Variants in GEMIN5 observed in about 807,000 individuals in gnomAD.
GEMIN5 encodes gem nuclear organelle associated protein 5, also known as gem-associated protein 5.
GEMIN5 carries 124 observed loss-of-function variants against 176.9 expected under a neutral mutation model. The ratio of observed to expected loss-of-function variants is 0.70; its 90% CI spans 0.61 to 0.81. The LOEUF (loss-of-function observed/expected upper bound fraction) is 0.81. GEMIN5 is among the 40% of genes least tolerant of loss of function. GEMIN5 has a pLI of 0.00. For synonymous variants in GEMIN5, 673 were observed against 665.2 expected (o/e 1.01, Z -0.18); for missense variants, 1,843 against 1,814.6 (o/e 1.02, Z -0.28).
At chr5:154,924,715 C>T (rs1395333257) in intron 8 of GEMIN5, among the ~76,000 whole-genome samples, 161 bp from the exon 9 acceptor site, 8 of 152,172 alleles carry the variant, frequency 5.3e-5, no homozygotes, top group South Asian at 2.1e-4. Context: ...GTCGGCCGGG[C>T]GCAGTGGCTC....
Position 154,932,120 on chromosome 5 carries a change from T to C in GEMIN5, c.640A>G (p.Ile214Val), listed in dbSNP as rs1243057600. The change falls in exon 4 of 28, where the codon ATA becomes GTA. Residue 214 changes from isoleucine (I) to valine (V), a missense_variant. By Grantham distance (29) the Ile-to-Val change is conservative. Transcript: ENST00000285873. The part of the protein sequence containing the change: ...CPLPGEDCLS[I>V]NQEETSEEAE... The stretch of plus-strand genomic sequence containing the variant: ...CTACCTGAAGTTTCCTCTTGGTTTA[T>C]AGATAAACAATCTTCACCAGGCAGG... 3.7e-6 allele frequency: 6 copies of C among 1,613,602 alleles called. No individual in the cohort carries two copies. In the South Asian group the frequency reaches 4.4e-5, roughly 12 times the overall value.
At chr5:154,932,051 G>C (rs1358920854) in intron 4 of GEMIN5, 48 bp downstream of exon 4, 1 of 1,352,102 alleles carries the variant, frequency 7.4e-7, no homozygotes, top group East Asian at 2.3e-5. Flanking sequence ...TACCCGTTCT[G>C]TTCTTCAGGT....
intron 1 of GEMIN5, 40 bp from the exon 2 acceptor site, chr5:154,937,225 T>G: frequency 6.5e-7 from 1 of 1,529,078 alleles, no homozygotes; most frequent in Non-Finnish European, 8.9e-7. Flanking sequence ...CGAAGTGCTA[T>G]CCAAGGTTCC....
intron 5 of GEMIN5, among the ~76,000 whole-genome samples, chr5:154,929,330 A>G (rs1295616921): frequency 3.3e-5 from 5 of 152,242 alleles, no homozygotes; most frequent in Admixed American, 1.3e-4. Flanking sequence ...TTGCAGTGAC[A>G]TAACTCCAAA....
At chr5:154,911,541 G>T (rs1048219186) in intron 15 of GEMIN5, among the ~76,000 whole-genome samples, 186 bp downstream of exon 15, 1 of 152,090 alleles carries the variant, frequency 6.6e-6, no homozygotes, top group African/African-American at 2.4e-5. Context: ...TGAGTGCTAG[G>T]TATGCTCTTT....
chr5:154,908,945 G>GT (rs1763632431), intron 15 of GEMIN5, among the ~76,000 whole-genome samples: 1 of 151,968 alleles, frequency 6.6e-6, no homozygotes, highest in Admixed American at 6.6e-5. Context: ...CAAATGGTGA[G>GT]TTTGTTTTTT....
intron 14 of GEMIN5, among the ~76,000 whole-genome samples, chr5:154,912,645 A>T (rs1763726071): frequency 6.6e-6 from 1 of 152,182 alleles, no homozygotes; most frequent in African/African-American, 2.4e-5. Context: ...GTCAGAATGA[A>T]ATCTGTAAAA....
intron 3 of GEMIN5, among the ~76,000 whole-genome samples, chr5:154,934,946 T>C (rs577299707): frequency 6.6e-6 from 1 of 152,332 alleles, no homozygotes; most frequent in Non-Finnish European, 1.5e-5. Flanking sequence ...ATAGAACACC[T>C]TTTTCTTCCA....
Position 154,898,523 on chromosome 5 carries a change from C to T in GEMIN5, c.3262G>A (p.Ala1088Thr). Residue 1088 changes from alanine to threonine, a missense_variant, in exon 23 of 28, where the codon GCT (alanine) becomes ACT (threonine). Transcript: ENST00000285873. The part of the protein sequence containing the change: ...VGEDELSASL[A>T]LRCAQELLLA... ...AGCAGCTCTTGGGCACATCTGAGAG[C>T]CAGGGAAGCAGACAACTCATCCTCT... 1 of 1,614,128 alleles carries T rather than the reference C, an allele frequency of 6.2e-7. No homozygotes were observed. Among genetic ancestry groups the T allele is most frequent in the South Asian group, 1.1e-5 (1 of 91,088 alleles).
Position 154,920,020 on chromosome 5 carries a change from T to G in GEMIN5, c.1546A>C (p.Ser516Arg). 1 of 1,613,610 alleles carries G rather than the reference T, an allele frequency of 6.2e-7. No individual in the cohort carries two copies. Among genetic ancestry groups the G allele is most frequent in the Non-Finnish European group, 8.5e-7 (1 of 1,179,624 alleles). ...IVLQHNPWKL[S>R]GEAFDINKLI... is the part of the protein sequence containing the mutation. The stretch of plus-strand genomic sequence containing the variant: ...TTGTTGATGTCAAAGGCTTCTCCAC[T>G]AAGCTTCCAGGGATTATGCTGTAAG... Residue 516 changes from serine to arginine, a missense_variant, in exon 11 of 28, where the codon AGT (serine) becomes CGT (arginine). Transcript: ENST00000285873.
At chr5:154,897,017 GT>G (rs1291964411) in intron 23 of GEMIN5, among the ~76,000 whole-genome samples, 11 of 152,164 alleles carry the variant, frequency 7.2e-5, no homozygotes, top group Admixed American at 7.2e-4. Context: ...TGCTTATTAG[GT>G]TTTTTTGCTT....
At chr5:154,898,749 G>T in intron 22 of GEMIN5, 99 bp from the exon 23 acceptor site, 2 of 972,630 alleles carry the variant, frequency 2.1e-6, no homozygotes, top group South Asian at 1.5e-5. Flanking sequence ...TTTGCTGCAT[G>T]TGCCTTCCTG....
At chr5:154,903,036 A>C (rs769538848) in intron 19 of GEMIN5, 44 bp downstream of exon 19, 20 of 1,233,604 alleles carry the variant, frequency 1.6e-5, no homozygotes, top group Non-Finnish European at 2.4e-5. Context: ...AATGTTGGGA[A>C]AGTATAAAGA....
At chr5:154,904,061 A>T (rs1227959333) in intron 18 of GEMIN5, among the ~76,000 whole-genome samples, 2 of 152,186 alleles carry the variant, frequency 1.3e-5, no homozygotes, top group Non-Finnish European at 2.9e-5. Context: ...ACCCTTCAAA[A>T]CAAAACTTAC....
chr5:154,896,652 T>C (rs1427588870), intron 23 of GEMIN5, among the ~76,000 whole-genome samples: 1 of 152,184 alleles, frequency 6.6e-6, no homozygotes, highest in African/African-American at 2.4e-5. Flanking sequence ...CACTTAAGCC[T>C]TGTAGCCTAG....
intron 13 of GEMIN5, 111 bp downstream of exon 13, chr5:154,916,884 GAAT>G: frequency 1.9e-6 from 1 of 537,346 alleles, no homozygotes; most frequent in East Asian, 3.3e-5. Flanking sequence ...AAAGTAGTAA[GAAT>G]AATACTTATT....
chr5:154,920,523 C>T (rs527331106), intron 10 of GEMIN5, among the ~76,000 whole-genome samples: 1 of 152,306 alleles, frequency 6.6e-6, no homozygotes, highest in South Asian at 2.1e-4. Flanking sequence ...GTCATCAAAG[C>T]AGTGATTTCC....
At chr5:154,915,318 G>A (rs1462476185) in intron 13 of GEMIN5, among the ~76,000 whole-genome samples, 2 of 152,104 alleles carry the variant, frequency 1.3e-5, no homozygotes, top group African/African-American at 4.8e-5. Context: ...TTTTCACTAT[G>A]GCTGAGAGCA....
chr5:154,911,357 C>T (rs1244517004), intron 15 of GEMIN5, among the ~76,000 whole-genome samples: 1 of 152,036 alleles, frequency 6.6e-6, no homozygotes, highest in African/African-American at 2.4e-5. Flanking sequence ...ACTAAAAACA[C>T]AAAAAAATTA....
Sources: allele counts gnomAD v4.1 joint callset (sites outside exome capture counted in the v4.1 genomes callset), GRCh38; gene constraint gnomAD v4.1.1; transcripts MANE v1.5; gene names NCBI Gene and HGNC (gene_info 2026-07-23, HGNC 2026-07-21).